The following CCNJL variants were observed in gnomAD, a reference collection of about 807,000 sequenced individuals.
CCNJL encodes the protein cyclin-J-like protein.
A neutral mutation model predicts 33.4 loss-of-function variants in CCNJL; 33 were observed. That is an observed-to-expected ratio of 0.99 (90% CI 0.75 to 1.32). CCNJL has a LOEUF of 1.32. Among genes scored for constraint, CCNJL ranks in the 40% most tolerant of loss-of-function variants. CCNJL has a pLI of 0.00. For missense variants in CCNJL, 512 were observed against 499.7 expected (o/e 1.02, Z -0.23); for synonymous variants, 227 against 220.9 (o/e 1.03, Z -0.24).
At chr5:160,321,667 C>T (rs1023597834) in intron 1 of CCNJL, among the ~76,000 whole-genome samples, 6 of 152,140 alleles carry the variant, frequency 3.9e-5, no homozygotes, top group African/African-American at 9.7e-5. Flanking sequence ...CCTGGCCGGG[C>T]GCGGTGGCTC....
Position 160,253,645 on chromosome 5 carries a change from C to G in CCNJL, c.897G>C (p.Gln299His), listed in dbSNP as rs773096728. The change falls in exon 6 of 6, where the codon CAG becomes CAC. Residue 299 changes from glutamine to histidine, a missense_variant. Transcript: ENST00000257536. ...GQPATTLAQF[Q>H]TPVQDLCLAY... The stretch of plus-strand genomic sequence containing the variant: ...CCAAGCATAGGTCCTGCACGGGGGT[C>G]TGGAACTGTGCCAGGGTGGTCGCTG... The G allele has an allele frequency of 6.2e-7, 1 of 1,612,264 alleles. No individual in the cohort carries two copies. The highest frequency in any genetic ancestry group is 1.1e-5 in the South Asian group (1 of 90,850).
At chr5:160,304,712 G>C (rs999327907) in intron 2 of CCNJL, among the ~76,000 whole-genome samples, 1 of 152,124 alleles carries the variant, frequency 6.6e-6, no homozygotes, top group South Asian at 2.1e-4. Flanking sequence ...TCCCTTGAGG[G>C]ATGCAGAAAT....
chr5:160,322,633 C>T (rs1044844911), intron 1 of CCNJL, among the ~76,000 whole-genome samples: 30 of 152,226 alleles, frequency 2.0e-4, no homozygotes, highest in African/African-American at 6.8e-4. Flanking sequence ...CTCGGCTGGG[C>T]GCGGTGGCTC....
intron 3 of CCNJL, among the ~76,000 whole-genome samples, chr5:160,267,278 C>A (rs1291059033): frequency 6.6e-6 from 1 of 152,158 alleles, no homozygotes; most frequent in Non-Finnish European, 1.5e-5. Context: ...ATGCTCTCAG[C>A]TGATTCTGGC....
At chr5:160,312,600 T>TG (rs1429237109), upstream of CCNJL, 3 of 151,434 alleles carry the variant, frequency 2.0e-5, no homozygotes, top group African/African-American at 7.3e-5. Context: ...CTGGGGGAAT[T>TG]GGGGGCCGGG....
At chr5:160,310,205 G>GCCA (rs1763218012) in intron 2 of CCNJL, among the ~76,000 whole-genome samples, 1 of 152,092 alleles carries the variant, frequency 6.6e-6, no homozygotes, top group Non-Finnish European at 1.5e-5. Flanking sequence ...GCTCCATTCA[G>GCCA]CCACCTCCTC....
upstream of CCNJL, among the ~76,000 whole-genome samples, chr5:160,314,775 T>C (rs747281466): frequency 2.6e-5 from 4 of 152,228 alleles, no homozygotes; most frequent in Admixed American, 6.5e-5. Flanking sequence ...TGAGTAGGTA[T>C]GCCGTCAGAG....
chr5:160,258,463 A>C (rs878876040), intron 4 of CCNJL: 1 of 1,159,718 alleles, frequency 8.6e-7, no homozygotes, highest in Non-Finnish European at 1.3e-6. Flanking sequence ...GGACCTGTCC[A>C]TGAAGCATCA....
intron 1 of CCNJL, among the ~76,000 whole-genome samples, chr5:160,321,808 G>A (rs181980862): frequency 3.3e-5 from 5 of 152,114 alleles, no homozygotes; most frequent in Admixed American, 2.0e-4. Context: ...GTGTGGAGCC[G>A]AGACGGTGCC....
In CCNJL at chr5:160,311,880, A is replaced by C. The variant is rs1047536981; in HGVS notation, c.44T>G (p.Val15Gly). 8.1e-6 allele frequency: 13 copies of C among 1,614,034 alleles called. No homozygotes were observed. The highest frequency in any genetic ancestry group is 1.0e-5 in the Non-Finnish European group (12 of 1,179,994). Reference protein sequence around the residue: ...PWWEGRVASDVHCTLREKELK... With the variant: ...PWWEGRVASDGHCTLREKELK... ...GACCTTCTCGCGCAGGGTGCAGTGG[A>C]CGTCCGAGGCGACGCGCCCTTCCCA... Residue 15 changes from valine (V) to glycine (G), a missense_variant, in exon 2 of 6, where the codon GTC (valine) becomes GGC (glycine). By Grantham distance (109) the Val-to-Gly change is moderately radical. Transcript: ENST00000257536.
rs957462122 is a variant in CCNJL, at chr5:160,251,890, G to A, written c.*1488C>T. 4 of 152,122 alleles carry A rather than the reference G, an allele frequency of 2.6e-5. No homozygotes were observed. Among genetic ancestry groups the A allele is most frequent in the Non-Finnish European group, 5.9e-5 (4 of 68,034 alleles). 9.4% of individuals were successfully genotyped at this position (152,122 alleles called of 1,614,324 possible). A position where few individuals can be genotyped will look rare whatever the true frequency, so the allele number is the denominator to read the frequency against. On this transcript the variant is annotated 3_prime_UTR_variant, in exon 6 of 6. Transcript: ENST00000257536. ...GGTGGCAGAGTCTTATCCACACCCC[G>A]TCTCTTTTCTTACTGTCTCCATGCT...
At chr5:160,300,756 C>T (rs1229088888) in intron 2 of CCNJL, among the ~76,000 whole-genome samples, 3 of 152,106 alleles carry the variant, frequency 2.0e-5, no homozygotes, top group African/African-American at 7.2e-5. Flanking sequence ...TACTCCTGGG[C>T]CCAAGTGATC....
At chr5:160,284,964 C>T (rs1411444222) in intron 2 of CCNJL, among the ~76,000 whole-genome samples, 1 of 151,656 alleles carries the variant, frequency 6.6e-6, no homozygotes, top group Non-Finnish European at 1.5e-5. Context: ...GTGGCTCACA[C>T]CCGTAATCTC....
chr5:160,320,826 T>TTTCTTTCC (rs1763435933), intron 1 of CCNJL, among the ~76,000 whole-genome samples: 7 of 115,016 alleles, frequency 6.1e-5, no homozygotes, highest in African/African-American at 2.2e-4. Flanking sequence ...TCTTTCTTTC[T>TTTCTTTCC]TTCTTTCTTT....
intron 2 of CCNJL, among the ~76,000 whole-genome samples, chr5:160,300,289 G>T (rs938332574): frequency 6.6e-6 from 1 of 152,142 alleles, no homozygotes; most frequent in East Asian, 1.9e-4. Context: ...GGAGCTGGAG[G>T]AGTTTTCCAG....
chr5:160,259,262 A>G (rs1012872402), intron 4 of CCNJL, among the ~76,000 whole-genome samples: 1 of 152,370 alleles, frequency 6.6e-6, no homozygotes, highest in East Asian at 1.9e-4. Context: ...CTGCCTGCAT[A>G]TAAGTTGCTA....
At chr5:160,335,805 A>T (rs915100514) in intron 1 of CCNJL, among the ~76,000 whole-genome samples, 1 of 150,776 alleles carries the variant, frequency 6.6e-6, no homozygotes, top group Non-Finnish European at 1.5e-5. Flanking sequence ...GCCATTCTCA[A>T]ATTCCTGGCT....
intron 2 of CCNJL, chr5:160,281,450 CT>C (rs1372158144): frequency 2.0e-5 from 3 of 153,424 alleles, no homozygotes; most frequent in African/African-American, 7.2e-5. Flanking sequence ...TCCCACACCC[CT>C]GGGAGGTGAC....
chr5:160,277,510 A>G (rs1349209218), intron 3 of CCNJL, among the ~76,000 whole-genome samples: 1 of 152,196 alleles, frequency 6.6e-6, no homozygotes. Context: ...AGTGATCTCT[A>G]TACTATATTT....
Sources: gnomAD v4.1 joint callset for allele counts (sites outside exome capture counted in the v4.1 genomes callset) on GRCh38, gnomAD v4.1.1 for gene constraint, MANE v1.5 for transcripts, NCBI Gene and HGNC (gene_info 2026-07-23, HGNC 2026-07-21) for gene names.